The following TPO variants were observed in gnomAD, a reference collection of about 807,000 sequenced individuals.
The protein encoded by TPO is thyroid microsomal antigen.
Under a neutral mutation model 96.9 loss-of-function variants are expected in TPO, and 78 were observed. That is an observed-to-expected ratio of 0.81 (90% CI 0.67 to 0.97). TPO has a LOEUF of 0.97. Among genes scored for constraint, TPO ranks in the 50% least tolerant of loss-of-function variants. The pLI, the probability that TPO is intolerant of heterozygous loss-of-function variation, is 0.00. For missense variants in TPO, 1,252 were observed against 1,274.8 expected (o/e 0.98, Z 0.27); for synonymous variants, 547 against 538.0 (o/e 1.02, Z -0.23).
At chr2:1,536,113 A>C (rs1456317200) in intron 15 of TPO, among the ~76,000 whole-genome samples, 4 of 17,546 alleles carry the variant, frequency 2.3e-4, no homozygotes, top group African/African-American at 9.2e-4. Context: ...TCCCCCCATT[A>C]TGTGCAACCT....
At chr2:1,477,677 A>G in intron 8 of TPO, 73 bp downstream of exon 8, 2 of 1,417,282 alleles carry the variant, frequency 1.4e-6, no homozygotes, top group Middle Eastern at 2.6e-4. Flanking sequence ...GGTGCGCAGC[A>G]TCGTGGCTTC....
upstream of TPO, among the ~76,000 whole-genome samples, chr2:1,411,686 G>A (rs1662357018): frequency 6.6e-6 from 1 of 152,118 alleles, no homozygotes; most frequent in African/African-American, 2.4e-5. Flanking sequence ...GTTGTGCCTG[G>A]AGACCCCAGA....
At position 1,535,739 on chromosome 2, in the gene TPO, C is replaced by T. The variant is rs147323462; in HGVS notation, c.2619-4855C>T. ...AAATCCACCCAGTGTGTGCAACCTC[C>T]CCAAATCCCCCCACTCTGTGCAACC... On this transcript the variant is annotated intron_variant, in intron 15 of 16. Transcript: ENST00000329066. Among the ~76,000 whole-genome samples, 636 of 104,376 alleles carry T rather than the reference C, an allele frequency of 6.1e-3. 65 individuals carry two copies. Among genetic ancestry groups the T allele is most frequent in the Non-Finnish European group, 9.9e-3 (486 of 48,846 alleles). 68.5% of individuals were successfully genotyped at this position (104,376 alleles called of 152,430 possible).
intron 1 of TPO, among the ~76,000 whole-genome samples, chr2:1,403,021 T>A (rs1394950807): frequency 6.6e-6 from 1 of 152,248 alleles, no homozygotes; most frequent in Non-Finnish European, 1.5e-5. Context: ...GAAAAGATAA[T>A]GTCTCATTGA....
intron 2 of TPO, among the ~76,000 whole-genome samples, chr2:1,415,667 C>T (rs989774614): frequency 1.3e-5 from 2 of 150,714 alleles, no homozygotes; most frequent in African/African-American, 4.9e-5. Flanking sequence ...GACACCTTGC[C>T]GGGCAGGTCC....
chr2:1,415,713 A>C (rs1303069051), intron 2 of TPO, among the ~76,000 whole-genome samples: 2 of 152,210 alleles, frequency 1.3e-5, no homozygotes, highest in Non-Finnish European at 2.9e-5. Flanking sequence ...GCCATGGCAC[A>C]GCACTGGCAC....
chr2:1,519,776 A>C (rs1337622566), intron 15 of TPO, among the ~76,000 whole-genome samples: 2 of 152,212 alleles, frequency 1.3e-5, no homozygotes, highest in African/African-American at 4.8e-5. Context: ...TTCATAAACA[A>C]TTTTGTATTT....
At chr2:1,458,361 G>A (rs1183714692) in intron 7 of TPO, among the ~76,000 whole-genome samples, 1 of 151,746 alleles carries the variant, frequency 6.6e-6, no homozygotes, top group Non-Finnish European at 1.5e-5. Context: ...ATATAAGACA[G>A]TTTGTGGGCA....
chr2:1,394,094 A>T (rs1420865799), intron 1 of TPO, among the ~76,000 whole-genome samples: 1 of 152,240 alleles, frequency 6.6e-6, no homozygotes, highest in Non-Finnish European at 1.5e-5. Flanking sequence ...TCATTGACAA[A>T]ATATGTCCAG....
chr2:1,491,348 G>A (rs1671756326), intron 10 of TPO, among the ~76,000 whole-genome samples: 1 of 151,978 alleles, frequency 6.6e-6, no homozygotes, highest in Admixed American at 6.6e-5. Flanking sequence ...CTCTAGAGTT[G>A]GAAAAAGATG....
intron 3 of TPO, 118 bp from the exon 4 acceptor site, chr2:1,433,320 G>C (rs1037285517): frequency 1.0e-5 from 14 of 1,337,132 alleles, no homozygotes; most frequent in Middle Eastern, 2.0e-4. Flanking sequence ...CGCAGTGCCT[G>C]TCACATTGTC....
chr2:1,493,804 T>A lies in TPO; in HGVS notation c.1771T>A (p.Tyr591Asn). 6.2e-7 allele frequency: 1 copy of A among 1,614,100 alleles called. No homozygotes were observed. The highest frequency in any genetic ancestry group is 8.5e-7 in the Non-Finnish European group (1 of 1,179,996). ...CCTGCAGCCTCTCCCCTGTGCAGGT[T>A]ACAATGAGTGGAGGGAGTTCTGCGG... ...QRGRDHGLPGYNEWREFCGLP... is the reference protein window; with the variant it reads ...QRGRDHGLPGNNEWREFCGLP... Residue 591 changes from tyrosine (Y) to asparagine (N), a missense_variant and splice_region_variant, in exon 11 of 17, where the codon TAC becomes AAC. Physicochemically the swap from Tyr to Asn is moderately radical, Grantham distance 143 (BLOSUM62 -2). Coordinates refer to ENST00000329066, the MANE Select transcript of TPO (RefSeq NM_001206744.2).
At chr2:1,459,205 G>A (rs1012009512) in intron 7 of TPO, among the ~76,000 whole-genome samples, 2 of 151,288 alleles carry the variant, frequency 1.3e-5, no homozygotes, top group Non-Finnish European at 2.9e-5. Context: ...AGGCTGGAGT[G>A]CAGTGGTGCA....
intron 15 of TPO, among the ~76,000 whole-genome samples, chr2:1,538,009 TCTA>T (rs1284010535): frequency 3.4e-4 from 15 of 44,610 alleles, no homozygotes; most frequent in African/African-American, 8.4e-4. Context: ...CCCAAATCCC[TCTA>T]CTGTGTGCCA....
At chr2:1,381,691 A>G (rs564581246) in intron 1 of TPO, among the ~76,000 whole-genome samples, 1 of 152,302 alleles carries the variant, frequency 6.6e-6, no homozygotes, top group East Asian at 1.9e-4. Context: ...TTCTTGAAAT[A>G]TGTTTTGTGT....
rs185158557 is a variant in TPO at position 1,418,724 on chromosome 2, A to T, written c.94+4222A>T. Reference sequence around the variant, plus strand: ...CTTTATGGCAAATGTTCCACAAGTTATAGCTGTTAAAAGAAAATAAGATGC... The same window carrying T: ...CTTTATGGCAAATGTTCCACAAGTTTTAGCTGTTAAAAGAAAATAAGATGC... On this transcript the variant is annotated intron_variant, in intron 2 of 16. Coordinates refer to ENST00000329066, the MANE Select transcript of TPO (RefSeq NM_001206744.2). Among the ~76,000 whole-genome samples the T allele has an allele frequency of 6.8e-3, 1,030 of 152,366 alleles. 9 individuals carry two copies. The highest frequency in any genetic ancestry group is 0.011 in the Non-Finnish European group (749 of 68,028).
At chr2:1,423,681 T>C (rs1664027445) in intron 3 of TPO, among the ~76,000 whole-genome samples, 1 of 152,224 alleles carries the variant, frequency 6.6e-6, no homozygotes, top group Non-Finnish European at 1.5e-5. Context: ...CCTCCCAAGC[T>C]TATTATTTTG....
At chr2:1,534,486 C>A (rs1679081430) in intron 15 of TPO, among the ~76,000 whole-genome samples, 2 of 101,318 alleles carry the variant, frequency 2.0e-5, no homozygotes, top group East Asian at 3.4e-4. Flanking sequence ...GCAAACTCCC[C>A]AAACCCCCCA....
At chr2:1,540,787 C>A in intron 16 of TPO, 64 bp downstream of exon 16, 2 of 1,612,554 alleles carry the variant, frequency 1.2e-6, no homozygotes, top group South Asian at 2.2e-5. Flanking sequence ...ATCTGGGTGT[C>A]GGAGCAGCTC....
Sources: allele counts gnomAD v4.1 joint callset (sites outside exome capture counted in the v4.1 genomes callset), GRCh38; gene constraint gnomAD v4.1.1; transcripts MANE v1.5; gene names NCBI Gene and HGNC (gene_info 2026-07-23, HGNC 2026-07-21).